The following FOXP2 variants were observed in gnomAD, a reference collection of about 807,000 sequenced individuals.
The protein encoded by FOXP2 is forkhead box protein P2.
A neutral mutation model predicts 115.8 loss-of-function variants in FOXP2; 12 were observed. The ratio of observed to expected loss-of-function variants is 0.10; its 90% CI spans 0.07 to 0.17. FOXP2 has a LOEUF of 0.17. Ranked by LOEUF, FOXP2 falls within the 10% of genes least tolerant of loss-of-function variation. The probability of loss-of-function intolerance (pLI) is 1.00; values close to 1 mark genes in which losing one functional copy is unlikely to be tolerated. For synonymous variants in FOXP2, 328 were observed against 297.7 expected, an observed-to-expected ratio of 1.10 and a Z score of -1.05; for missense variants, 629 against 843.5, an observed-to-expected ratio of 0.75 and a Z score of 3.15.
At chr7:114,189,603 C>T (rs193063360) in intron 1 of FOXP2, among the ~76,000 whole-genome samples, 1 of 152,150 alleles carries the variant, frequency 6.6e-6, no homozygotes, top group Admixed American at 6.5e-5. Flanking sequence ...GACAAGTGAT[C>T]ATCTTATCCT....
intron 2 of FOXP2, among the ~76,000 whole-genome samples, chr7:114,459,189 C>A (rs1316576779): frequency 6.6e-6 from 1 of 152,120 alleles, no homozygotes; most frequent in Non-Finnish European, 1.5e-5. Context: ...AGCACTTCTG[C>A]GACTTTCTAT....
intron 2 of FOXP2, among the ~76,000 whole-genome samples, chr7:114,513,911 G>A (rs1798197125): frequency 6.6e-6 from 1 of 151,964 alleles, no homozygotes; most frequent in Admixed American, 6.6e-5. Context: ...AAGCAAAATA[G>A]GGTCCAAACT....
chr7:114,226,380 A>T (rs1316902854), intron 1 of FOXP2, among the ~76,000 whole-genome samples: 2 of 152,120 alleles, frequency 1.3e-5, no homozygotes, highest in East Asian at 1.9e-4. Flanking sequence ...AAGTATTGTC[A>T]TCGGTTGTTC....
intron 3 of FOXP2, among the ~76,000 whole-genome samples, chr7:114,603,463 T>C (rs183893733): frequency 4.6e-5 from 7 of 152,360 alleles, no homozygotes; most frequent in East Asian, 1.9e-4. Flanking sequence ...TAAATGTTTG[T>C]TGGCCTAATG....
chr7:114,663,433 T>C lies in FOXP2; in HGVS notation c.1770-17T>C. ...TATTTTGACGTATAAATGATCTTTA[T>C]ATATTTTTTTTTTCAGAAGTCCAAC... On this transcript the variant is annotated splice_polypyrimidine_tract_variant and intron_variant, in intron 14 of 16. Coordinates refer to ENST00000350908, the MANE Select transcript of FOXP2 (RefSeq NM_014491.4). The C allele has an allele frequency of 1.3e-6, 2 of 1,521,132 alleles. No homozygotes were observed. Among genetic ancestry groups the C allele is most frequent in the Non-Finnish European group, 1.8e-6 (2 of 1,101,584 alleles). The allele number at this position is 1,521,132 out of a possible 1,614,324, so 94.2% of individuals were successfully genotyped here. A position where few individuals can be genotyped will look rare whatever the true frequency, so the allele number is the denominator to read the frequency against.
intron 2 of FOXP2, among the ~76,000 whole-genome samples, chr7:114,460,628 G>A (rs985267206): frequency 3.3e-5 from 5 of 152,062 alleles, no homozygotes; most frequent in Admixed American, 6.6e-5. Context: ...CAGTGTCCTC[G>A]TATTTGTGTA....
chr7:114,482,927 C>T (rs924046314), intron 2 of FOXP2, among the ~76,000 whole-genome samples: 1 of 151,556 alleles, frequency 6.6e-6, no homozygotes, highest in Non-Finnish European at 1.5e-5. Context: ...CTTGTCAAAT[C>T]TTTCTCCCAA....
intron 1 of FOXP2, among the ~76,000 whole-genome samples, chr7:114,204,620 GA>G (rs1794154242): frequency 6.6e-6 from 1 of 152,098 alleles, no homozygotes; most frequent in African/African-American, 2.4e-5. Flanking sequence ...CAAAAAAATA[GA>G]AATAGTGTAA....
At chr7:114,636,724 C>T (rs1805241655) in intron 6 of FOXP2, among the ~76,000 whole-genome samples, 1 of 151,220 alleles carries the variant, frequency 6.6e-6, no homozygotes, top group South Asian at 2.1e-4. Context: ...ATCATCTTAG[C>T]AGCATTTTCA....
At chr7:114,279,355 A>G (rs1225958202) in intron 1 of FOXP2, among the ~76,000 whole-genome samples, 1 of 152,134 alleles carries the variant, frequency 6.6e-6, no homozygotes, top group Non-Finnish European at 1.5e-5. Flanking sequence ...AGAACATGAA[A>G]ATCTGAAGTT....
chr7:114,101,253 G>T (rs777134208), intron 1 of FOXP2, among the ~76,000 whole-genome samples: 1 of 152,102 alleles, frequency 6.6e-6, no homozygotes, highest in Non-Finnish European at 1.5e-5. Flanking sequence ...TTCCAAGGCT[G>T]TTTTTTAGAC....
intron 3 of FOXP2, among the ~76,000 whole-genome samples, chr7:114,550,440 T>C (rs1800153239): frequency 6.6e-6 from 1 of 152,112 alleles, no homozygotes. Context: ...AAGAAGGTAT[T>C]TCTTTCTTCC....
chr7:114,172,891 C>T (rs574065412), intron 1 of FOXP2, among the ~76,000 whole-genome samples: 7 of 152,044 alleles, frequency 4.6e-5, no homozygotes, highest in Admixed American at 1.3e-4. Flanking sequence ...AACAATATTT[C>T]GTGATGTTAC....
chr7:114,485,033 T>C (rs1192086401), intron 2 of FOXP2, among the ~76,000 whole-genome samples: 1 of 151,916 alleles, frequency 6.6e-6, no homozygotes, highest in African/African-American at 2.4e-5. Context: ...TATATGAATT[T>C]ATGCATAGCT....
At chr7:114,572,014 A>C (rs192600676) in intron 3 of FOXP2, among the ~76,000 whole-genome samples, 3 of 151,974 alleles carry the variant, frequency 2.0e-5, no homozygotes, top group Admixed American at 2.0e-4. Context: ...GGCGAACAAC[A>C]ACAAAATTAA....
intron 1 of FOXP2, among the ~76,000 whole-genome samples, chr7:114,277,766 A>G: frequency 6.6e-6 from 1 of 152,092 alleles, no homozygotes; most frequent in East Asian, 1.9e-4. Context: ...TTGATTAAAA[A>G]AGCAGAAAGA....
chr7:114,388,249 C>T (rs2129193577), intron 2 of FOXP2, among the ~76,000 whole-genome samples: 1 of 152,178 alleles, frequency 6.6e-6, no homozygotes, highest in South Asian at 2.1e-4. Context: ...CCTCTCAAAG[C>T]TGAATTGTAA....
intron 1 of FOXP2, among the ~76,000 whole-genome samples, chr7:114,106,895 G>T (rs894111388): frequency 4.0e-4 from 61 of 151,896 alleles, no homozygotes; most frequent in African/African-American, 1.4e-3. Flanking sequence ...CTTTACGTAT[G>T]TTTTTAAGTT....
chr7:114,594,783 T>G (rs977051497), intron 3 of FOXP2, among the ~76,000 whole-genome samples: 2 of 151,950 alleles, frequency 1.3e-5, no homozygotes, highest in Admixed American at 1.3e-4. Flanking sequence ...TATTAAAACA[T>G]CAAAGATTGA....
Sources: allele counts gnomAD v4.1 joint callset (sites outside exome capture counted in the v4.1 genomes callset), GRCh38; gene constraint gnomAD v4.1.1; transcripts MANE v1.5; gene names NCBI Gene and HGNC (gene_info 2026-07-23, HGNC 2026-07-21).